SIK3: variants seen among roughly 807,000 people sequenced by gnomAD.
SIK3 encodes serine/threonine-protein kinase SIK3.
SIK3 carries 28 observed loss-of-function variants against 144.2 expected under a neutral mutation model. That is an observed-to-expected ratio of 0.19 (90% CI 0.14 to 0.27). The LOEUF (loss-of-function observed/expected upper bound fraction) is 0.27, where lower values mean the gene tolerates loss of function less well. Among genes scored for constraint, SIK3 ranks in the 10% least tolerant of loss-of-function variants. The probability of loss-of-function intolerance (pLI) is 1.00; values close to 1 mark genes in which losing one functional copy is unlikely to be tolerated. For missense variants in SIK3, 1,319 were observed against 1,776.0 expected (o/e 0.74, Z 4.62); for synonymous variants, 686 against 676.3 (o/e 1.01, Z -0.22).
chr11:117,078,831 A>G (rs987950500), intron 1 of SIK3, among the ~76,000 whole-genome samples: 1 of 152,226 alleles, frequency 6.6e-6, no homozygotes, highest in African/African-American at 2.4e-5. Flanking sequence ...GGGTGCCAAC[A>G]CAATCATCTC....
chr11:117,038,953 G>A (rs1358905819), intron 1 of SIK3, among the ~76,000 whole-genome samples: 5 of 151,956 alleles, frequency 3.3e-5, no homozygotes, highest in Admixed American at 6.5e-5. Context: ...GGGAGGCTGA[G>A]GCAGGAGAAT....
intron 1 of SIK3, among the ~76,000 whole-genome samples, chr11:117,027,621 C>T (rs929195995): frequency 1.3e-5 from 2 of 152,032 alleles, no homozygotes; most frequent in Non-Finnish European, 2.9e-5. Context: ...CGCCACCATG[C>T]CCAGCTAACT....
At chr11:116,920,954 T>G (rs781433458) in intron 4 of SIK3, among the ~76,000 whole-genome samples, 2 of 152,218 alleles carry the variant, frequency 1.3e-5, no homozygotes, top group Non-Finnish European at 2.9e-5. Context: ...CCTTGTAACA[T>G]CTCTTCTATT....
chr11:117,077,974 C>T (rs1293624104), intron 1 of SIK3, among the ~76,000 whole-genome samples: 1 of 152,148 alleles, frequency 6.6e-6, no homozygotes, highest in East Asian at 1.9e-4. Context: ...AGTCACAAAA[C>T]CCCTATTATG....
rs1942069947 is a variant in SIK3 at position 116,847,537 on chromosome 11, A to T, written c.3891T>A (p.Asp1297Glu). The T allele has an allele frequency of 6.2e-7, 1 of 1,614,206 alleles. No individual in the cohort carries two copies. Among genetic ancestry groups the T allele is most frequent in the East Asian group, 2.2e-5 (1 of 44,880 alleles). The change falls in exon 23 of 25, where the codon GAT (aspartate) becomes GAA (glutamate). Residue 1297 changes from aspartate to glutamate, a missense_variant. Transcript: ENST00000445177. ...GKALSSARMS[D>E]AVLSQSSLMG... ...TGAGCGAAGACTGACTGAGAACTGC[A>T]TCCGACATCCGGGCAGAGCTAAGTG...
chr11:117,027,201 G>A (rs931609328), intron 1 of SIK3, among the ~76,000 whole-genome samples: 4 of 152,156 alleles, frequency 2.6e-5, no homozygotes, highest in African/African-American at 9.7e-5. Flanking sequence ...AGCATTTCTT[G>A]AAAACACATT....
chr11:116,907,480 C>T (rs1214439005), intron 4 of SIK3, among the ~76,000 whole-genome samples: 7 of 152,252 alleles, frequency 4.6e-5, no homozygotes, highest in Middle Eastern at 3.4e-3. Context: ...AACCCCGTCT[C>T]TACTAAAAAT....
chr11:116,975,697 T>G (rs1480920276), intron 1 of SIK3, among the ~76,000 whole-genome samples: 4 of 152,200 alleles, frequency 2.6e-5, no homozygotes, highest in Non-Finnish European at 5.9e-5. Flanking sequence ...GTGAATGTGT[T>G]TTCACTTATC....
chr11:116,926,163 C>G (rs1591341201), intron 4 of SIK3, among the ~76,000 whole-genome samples: 1 of 152,198 alleles, frequency 6.6e-6, no homozygotes, highest in African/African-American at 2.4e-5. Context: ...TAGACAATTA[C>G]ATTCTAGCTA....
At chr11:116,889,589 T>C (rs1016046424) in intron 6 of SIK3, among the ~76,000 whole-genome samples, 73 of 151,890 alleles carry the variant, frequency 4.8e-4, no homozygotes, top group Admixed American at 4.8e-3. Flanking sequence ...AACTGAAAAA[T>C]TGAAATATTT....
At chr11:116,982,818 C>T (rs1212170037) in intron 1 of SIK3, among the ~76,000 whole-genome samples, 2 of 151,666 alleles carry the variant, frequency 1.3e-5, no homozygotes, top group African/African-American at 4.8e-5. Flanking sequence ...GTGGCACACA[C>T]CTGTAGTCCC....
In SIK3 at chr11:116,942,092, T is replaced by G. The variant is rs556390758; in HGVS notation, c.454+11952A>C. ...TAGAATTCATAATCTTCAATATGTC[T>G]TTCTCTATACAGTTACCCAAAAAAG... On this transcript the variant is annotated intron_variant, in intron 3 of 24. Coordinates refer to ENST00000445177, the MANE Select transcript of SIK3 (RefSeq NM_001366686.3). Among the ~76,000 whole-genome samples the G allele has an allele frequency of 2.6e-5, 4 of 152,328 alleles. No individual in the cohort carries two copies. In the South Asian group the frequency reaches 8.3e-4, roughly 32 times the overall value.
chr11:116,878,562 T>C (rs1015410262), intron 6 of SIK3, among the ~76,000 whole-genome samples: 2 of 152,056 alleles, frequency 1.3e-5, no homozygotes, highest in African/African-American at 4.8e-5. Flanking sequence ...GCATCTTTAA[T>C]AGAGGCGAGG....
intron 1 of SIK3, among the ~76,000 whole-genome samples, chr11:116,967,860 T>C (rs779717939): frequency 6.6e-6 from 1 of 152,212 alleles, no homozygotes; most frequent in Non-Finnish European, 1.5e-5. Flanking sequence ...ACCAACTACC[T>C]TCCAAGGTGT....
At chr11:116,919,284 G>A (rs1489625910) in intron 4 of SIK3, among the ~76,000 whole-genome samples, 1 of 152,144 alleles carries the variant, frequency 6.6e-6, no homozygotes, top group African/African-American at 2.4e-5. Context: ...GTTAGGAAAT[G>A]TTTTAATTTC....
At position 116,858,821 on chromosome 11, in the gene SIK3, T is replaced by G; in HGVS notation, c.2766-122A>C. 1.4e-6 allele frequency: 2 copies of G among 1,407,972 alleles called. No homozygotes were observed. The highest frequency in any genetic ancestry group is 4.4e-4 in the Middle Eastern group (2 of 4,560). 87.2% of individuals were successfully genotyped at this position (1,407,972 alleles called of 1,614,324 possible). ...AGAGAACTGTGGTGTGACAGAGAAG[T>G]GGCAGATGTATGCATTGTCCCTATT... On this transcript the variant is annotated intron_variant, in intron 20 of 24. Transcript: ENST00000445177. This position sits in a 1 kb window ranked among gnomAD's most constrained non-coding sequence, Gnocchi z 5.4.
chr11:117,047,002 T>G (rs751820512), intron 1 of SIK3, among the ~76,000 whole-genome samples: 3 of 152,248 alleles, frequency 2.0e-5, no homozygotes, highest in Non-Finnish European at 4.4e-5. Context: ...TTTTTTCCTA[T>G]ATAAAATGCT....
At chr11:116,873,066 G>T (rs1308454408) in intron 13 of SIK3, among the ~76,000 whole-genome samples, 1 of 152,224 alleles carries the variant, frequency 6.6e-6, no homozygotes, top group Non-Finnish European at 1.5e-5. Context: ...AATGGAGAAA[G>T]CATTAGTGAA....
chr11:117,031,520 T>TA (rs1952260112), intron 1 of SIK3, among the ~76,000 whole-genome samples: 1 of 150,310 alleles, frequency 6.7e-6, no homozygotes, highest in South Asian at 2.1e-4. Flanking sequence ...TATTTTATTT[T>TA]TATTTTATTT....
Sources: gnomAD v4.1 joint callset for allele counts (sites outside exome capture counted in the v4.1 genomes callset) on GRCh38, gnomAD v4.1.1 for gene constraint, Gnocchi (gnomAD v3.1) non-coding constraint, MANE v1.5 for transcripts, NCBI Gene and HGNC (gene_info 2026-07-23, HGNC 2026-07-21) for gene names.